The following NUP188 variants were observed in gnomAD, a reference collection of about 807,000 sequenced individuals.
NUP188 encodes the protein nucleoporin 188.
A neutral mutation model predicts 223.0 loss-of-function variants in NUP188; 97 were observed. That is an observed-to-expected ratio of 0.43 (90% CI 0.37 to 0.51). NUP188 has a LOEUF of 0.51. Among genes scored for constraint, NUP188 ranks in the 20% least tolerant of loss-of-function variants. The pLI, the probability that NUP188 is intolerant of heterozygous loss-of-function variation, is 0.00. For synonymous variants in NUP188, 869 were observed against 828.0 expected (o/e 1.05, Z -0.85); for missense variants, 1,947 against 2,175.6 (o/e 0.89, Z 2.09).
chr9:128,964,166 T>C, intron 8 of NUP188: 1 of 258,916 alleles, frequency 3.9e-6, no homozygotes, highest in Non-Finnish European at 7.7e-6. Flanking sequence ...TTGAACATCT[T>C]TTCACGTGCT....
At chr9:129,002,239 G>A (rs1484022926) in intron 36 of NUP188, among the ~76,000 whole-genome samples, 1 of 152,200 alleles carries the variant, frequency 6.6e-6, no homozygotes, top group Non-Finnish European at 1.5e-5. Flanking sequence ...AAACCAGATT[G>A]ATAACACATC....
chr9:128,975,079 C>T (rs1479302478), intron 12 of NUP188, among the ~76,000 whole-genome samples: 1 of 151,834 alleles, frequency 6.6e-6, no homozygotes, highest in African/African-American at 2.4e-5. Flanking sequence ...TTTTTTTATG[C>T]TCAGTCCCAT....
intron 8 of NUP188, among the ~76,000 whole-genome samples, chr9:128,967,156 C>T (rs1162865583): frequency 6.6e-6 from 1 of 152,054 alleles, no homozygotes; most frequent in African/African-American, 2.4e-5. Flanking sequence ...TACAGGCATG[C>T]ACCTCTATGC....
chr9:128,978,627 A>G (rs1842212888), intron 12 of NUP188, among the ~76,000 whole-genome samples: 2 of 151,096 alleles, frequency 1.3e-5, no homozygotes, highest in African/African-American at 4.9e-5. Context: ...CTTGCACTCT[A>G]GTCTGGGTGA....
intron 30 of NUP188, among the ~76,000 whole-genome samples, chr9:128,995,876 AC>A (rs2131181655): frequency 6.6e-6 from 1 of 152,266 alleles, no homozygotes; most frequent in African/African-American, 2.4e-5. Context: ...GTCAATAAAT[AC>A]TTGTTGACTA....
At position 129,006,815 on chromosome 9, in the gene NUP188, C is replaced by T; in HGVS notation, c.*137C>T. The T allele has an allele frequency of 1.2e-6, 1 of 817,632 alleles. No homozygotes were observed. Among genetic ancestry groups the T allele is most frequent in the South Asian group, 1.9e-5 (1 of 51,432 alleles). The allele number at this position is 817,632 out of a possible 1,614,324, so 50.6% of individuals were successfully genotyped here. A position where few individuals can be genotyped will look rare whatever the true frequency, so the allele number is the denominator to read the frequency against. ...CCCCCTCCCGGAGTAGCCACGACTC[C>T]AGCCACCACCCACTGACGTTATTTT... On this transcript the variant is annotated 3_prime_UTR_variant, in exon 44 of 44. Coordinates refer to ENST00000372577, the MANE Select transcript of NUP188 (RefSeq NM_015354.3).
chr9:128,997,970 C>T (rs1261367610), intron 30 of NUP188, among the ~76,000 whole-genome samples, 181 bp from the exon 31 acceptor site: 1 of 152,128 alleles, frequency 6.6e-6, no homozygotes, highest in Non-Finnish European at 1.5e-5. Context: ...CCGCCCACCT[C>T]AGCCTCCCAA....
chr9:128,957,840 G>T (rs1471930265), intron 5 of NUP188, among the ~76,000 whole-genome samples, 170 bp from the exon 6 acceptor site: 3 of 152,190 alleles, frequency 2.0e-5, no homozygotes, highest in Admixed American at 6.6e-5. Context: ...GAAGGGGAGG[G>T]ATTTGAGCAC....
At chr9:128,956,258 A>G (rs1841869786) in intron 3 of NUP188, 92 bp from the exon 4 acceptor site, 2 of 677,430 alleles carry the variant, frequency 3.0e-6, no homozygotes, top group Non-Finnish European at 4.7e-6. Flanking sequence ...AAGGGCAGAA[A>G]ATAGTCTGTA....
chr9:129,003,444 G>T lies in NUP188; in HGVS notation c.4424G>T (p.Arg1475Leu), dbSNP rs753461471. The change falls in exon 38 of 44, where the codon CGT (arginine) becomes CTT (leucine). Residue 1475 changes from arginine to leucine, a missense_variant. Coordinates refer to ENST00000372577, the MANE Select transcript of NUP188 (RefSeq NM_015354.3). ...CACTTCCACCTGCCTCAGCTCATGC[G>T]TGATATCCAGGTGGGGGCCCAAGAT... ...EWHFHLPQLM[R>L]DIQVNLGYLC... The T allele has an allele frequency of 6.2e-7, 1 of 1,610,520 alleles. No homozygotes were observed. The highest frequency in any genetic ancestry group is 2.2e-5 in the East Asian group (1 of 44,878).
At chr9:128,976,174 AT>A (rs1369074485) in intron 12 of NUP188, among the ~76,000 whole-genome samples, 1 of 152,178 alleles carries the variant, frequency 6.6e-6, no homozygotes, top group Non-Finnish European at 1.5e-5. Flanking sequence ...ATCTTGTAAG[AT>A]TCTTGTGTAA....
chr9:128,953,677 A>G (rs1470353728), intron 3 of NUP188, among the ~76,000 whole-genome samples: 1 of 152,176 alleles, frequency 6.6e-6, no homozygotes, highest in Non-Finnish European at 1.5e-5. Flanking sequence ...TTAAAAAGAT[A>G]ATCTCTATAT....
chr9:128,977,516 G>T (rs1201053460), intron 12 of NUP188, among the ~76,000 whole-genome samples: 2 of 152,072 alleles, frequency 1.3e-5, no homozygotes, highest in African/African-American at 2.4e-5. Flanking sequence ...AACAATTAAA[G>T]ACATTGTTCT....
chr9:128,994,995 G>T, intron 29 of NUP188, 72 bp downstream of exon 29: 1 of 1,153,302 alleles, frequency 8.7e-7, no homozygotes, highest in East Asian at 2.3e-5. Context: ...ACCACTGGGT[G>T]CATGGCTGGA....
Position 128,959,075 on chromosome 9 carries a change from C to T in NUP188, c.526C>T (p.Gln176Ter), listed in dbSNP as rs1165094343. 2 of 1,601,848 alleles carry T rather than the reference C, an allele frequency of 1.2e-6. No individual in the cohort carries two copies. Among genetic ancestry groups the T allele is most frequent in the Admixed American group, 1.7e-5 (1 of 59,362 alleles). ...GGAACTAGTTTCAAAATACAGACAG[C>T]AGTTCGAAGAGCTTTATAAAACTGA... ...EKELVSKYRQ[Q>*]FEELYKTEAP... Residue 176 changes from glutamine (Q) to a stop codon, truncating the protein, a stop_gained, in exon 8 of 44, where the codon CAG becomes TAG. Coordinates refer to ENST00000372577, the MANE Select transcript of NUP188 (RefSeq NM_015354.3). LOFTEE classifies it high-confidence loss of function.
At chr9:128,984,187 C>G (rs1418343327) in intron 19 of NUP188, among the ~76,000 whole-genome samples, 2 of 142,432 alleles carry the variant, frequency 1.4e-5, no homozygotes, top group Non-Finnish European at 3.0e-5. Context: ...AGTGCAATGG[C>G]GTGATCTTGG....
intron 8 of NUP188, among the ~76,000 whole-genome samples, chr9:128,961,355 T>C (rs1455918707): frequency 7.6e-6 from 1 of 131,976 alleles, no homozygotes; most frequent in Non-Finnish European, 1.6e-5. Context: ...AAAATAAAAA[T>C]ATAAAAGTTA....
intron 30 of NUP188, among the ~76,000 whole-genome samples, chr9:128,997,295 C>G (rs1023741001): frequency 6.6e-6 from 1 of 152,142 alleles, no homozygotes. Flanking sequence ...GGGACTGATA[C>G]TACATCAGTT....
intron 19 of NUP188, among the ~76,000 whole-genome samples, chr9:128,984,172 G>A (rs1842298938): frequency 7.2e-6 from 1 of 139,724 alleles, no homozygotes; most frequent in African/African-American, 2.9e-5. Flanking sequence ...TGTTGCCCCG[G>A]CTGGAGTGCA....
Sources: gnomAD v4.1 joint callset for allele counts (sites outside exome capture counted in the v4.1 genomes callset) on GRCh38, gnomAD v4.1.1 for gene constraint, MANE v1.5 for transcripts, NCBI Gene and HGNC (gene_info 2026-07-23, HGNC 2026-07-21) for gene names.